The following FRMD5 variants were observed in gnomAD, a reference collection of about 807,000 sequenced individuals.
FRMD5 encodes FERM domain-containing protein 5.
A neutral mutation model predicts 69.0 loss-of-function variants in FRMD5; 20 were observed. The observed-to-expected ratio is 0.29, with a 90% CI of 0.20 to 0.42. FRMD5 has a LOEUF of 0.42. Ranked by LOEUF, FRMD5 falls within the 10% of genes least tolerant of loss-of-function variation. The pLI is 1.00. For missense variants in FRMD5, 595 were observed against 708.6 expected, an observed-to-expected ratio of 0.84 and a Z score of 1.82; for synonymous variants, 271 against 260.1, an observed-to-expected ratio of 1.04 and a Z score of -0.40.
At chr15:44,037,449 C>G (rs1008544036) in intron 1 of FRMD5, among the ~76,000 whole-genome samples, 1 of 150,810 alleles carries the variant, frequency 6.6e-6, no homozygotes. Flanking sequence ...AATACACATA[C>G]GTGTACATGT....
chr15:44,101,359 T>C (rs752010132), intron 1 of FRMD5: 55 of 152,534 alleles, frequency 3.6e-4, no homozygotes, highest in Non-Finnish European at 6.5e-4. Flanking sequence ...AGTACAAATG[T>C]CACAAGATAC....
chr15:43,966,494 T>C (rs1049988374), intron 1 of FRMD5, among the ~76,000 whole-genome samples: 1 of 152,098 alleles, frequency 6.6e-6, no homozygotes, highest in African/African-American at 2.4e-5. Context: ...AAGGAATACA[T>C]GATTAATTGC....
intron 1 of FRMD5, among the ~76,000 whole-genome samples, chr15:44,102,444 G>A (rs191930758): frequency 6.6e-6 from 1 of 152,302 alleles, no homozygotes; most frequent in African/African-American, 2.4e-5. Context: ...TGTACTTCTG[G>A]TAAACGGATC....
At chr15:44,128,348 C>T (rs1422265638) in intron 1 of FRMD5, among the ~76,000 whole-genome samples, 1 of 152,086 alleles carries the variant, frequency 6.6e-6, no homozygotes, top group African/African-American at 2.4e-5. Context: ...GGCGTGGTGG[C>T]GCAGGCCTGT....
chr15:44,008,948 C>A (rs922079408), intron 1 of FRMD5, among the ~76,000 whole-genome samples: 2 of 152,106 alleles, frequency 1.3e-5, no homozygotes, highest in Non-Finnish European at 2.9e-5. Flanking sequence ...ATGGCATGAA[C>A]CCGGGAGGCG....
intron 1 of FRMD5, among the ~76,000 whole-genome samples, chr15:44,116,545 A>G (rs1040885817): frequency 6.6e-6 from 1 of 152,200 alleles, no homozygotes; most frequent in African/African-American, 2.4e-5. Flanking sequence ...TCAAGTAGAC[A>G]TGTTGTTGCC....
At chr15:43,960,644 A>G (rs1187018267) in intron 1 of FRMD5, among the ~76,000 whole-genome samples, 1 of 152,210 alleles carries the variant, frequency 6.6e-6, no homozygotes, top group Non-Finnish European at 1.5e-5. Flanking sequence ...TCAGCCTCCC[A>G]AAGTGCTGGG....
intron 1 of FRMD5, among the ~76,000 whole-genome samples, chr15:44,097,929 A>G (rs1156674095): frequency 6.6e-6 from 1 of 152,174 alleles, no homozygotes; most frequent in Non-Finnish European, 1.5e-5. Flanking sequence ...CAGGAGCTGC[A>G]GAATGGCCTT....
chr15:43,953,471 G>A (rs2090068580), intron 1 of FRMD5, among the ~76,000 whole-genome samples: 1 of 152,184 alleles, frequency 6.6e-6, no homozygotes, highest in African/African-American at 2.4e-5. Context: ...ATGAGAAGAA[G>A]GCTTGGTCAG....
intron 1 of FRMD5, among the ~76,000 whole-genome samples, chr15:44,076,176 G>A (rs985788682): frequency 1.3e-5 from 2 of 152,148 alleles, no homozygotes; most frequent in Non-Finnish European, 2.9e-5. Flanking sequence ...CTGTTGGTGG[G>A]ACTGTAAACT....
chr15:43,898,224 G>C (rs1377005896), intron 7 of FRMD5, among the ~76,000 whole-genome samples: 1 of 152,148 alleles, frequency 6.6e-6, no homozygotes, highest in Non-Finnish European at 1.5e-5. Context: ...ACAGCACTGA[G>C]ACTCAGATAA....
intron 1 of FRMD5, among the ~76,000 whole-genome samples, chr15:43,987,417 T>C (rs1235569981): frequency 6.6e-6 from 1 of 152,210 alleles, no homozygotes; most frequent in Non-Finnish European, 1.5e-5. Context: ...TTTAATGGTC[T>C]AGATAGAACA....
intron 1 of FRMD5, among the ~76,000 whole-genome samples, chr15:44,010,162 A>G (rs1014642011): frequency 2.0e-5 from 3 of 152,240 alleles, no homozygotes; most frequent in African/African-American, 7.2e-5. Flanking sequence ...GGCTGCATCT[A>G]TTCTGCTGAG....
At chr15:44,095,696 G>A (rs2076541780) in intron 1 of FRMD5, among the ~76,000 whole-genome samples, 1 of 152,092 alleles carries the variant, frequency 6.6e-6, no homozygotes. Context: ...GGATTCTGTA[G>A]CTTTTCCAGA....
intron 1 of FRMD5, among the ~76,000 whole-genome samples, chr15:44,001,322 T>A (rs1263989246): frequency 6.6e-6 from 1 of 152,238 alleles, no homozygotes; most frequent in Non-Finnish European, 1.5e-5. Flanking sequence ...CAGATAGACA[T>A]ATGGACTATA....
At chr15:44,081,671 T>C (rs1026329191) in intron 1 of FRMD5, among the ~76,000 whole-genome samples, 2 of 152,108 alleles carry the variant, frequency 1.3e-5, no homozygotes, top group Non-Finnish European at 2.9e-5. Context: ...TTGTTCAAAC[T>C]GATTTATATC....
intron 1 of FRMD5, among the ~76,000 whole-genome samples, chr15:44,165,983 A>T (rs2077702868): frequency 2.0e-5 from 3 of 152,148 alleles, no homozygotes; most frequent in African/African-American, 7.2e-5. Flanking sequence ...TTGGTATAAA[A>T]ATTATTTTCT....
At chr15:43,977,550 A>T (rs1024698477) in intron 1 of FRMD5, among the ~76,000 whole-genome samples, 2 of 152,084 alleles carry the variant, frequency 1.3e-5, no homozygotes, top group African/African-American at 2.4e-5. Flanking sequence ...AACTGAGGTT[A>T]CTCTTTCTAA....
chr15:43,976,179 T>C (rs2090459998), intron 1 of FRMD5, among the ~76,000 whole-genome samples: 1 of 150,750 alleles, frequency 6.6e-6, no homozygotes, highest in Admixed American at 6.6e-5. Context: ...ATAAAATTTA[T>C]AGAAGAAAAC....
Sources: allele counts gnomAD v4.1 joint callset (sites outside exome capture counted in the v4.1 genomes callset), GRCh38; gene constraint gnomAD v4.1.1; transcripts MANE v1.5; gene names NCBI Gene and HGNC (gene_info 2026-07-23, HGNC 2026-07-21).